CCDC144A: variants seen among roughly 807,000 people sequenced by gnomAD.
CCDC144A encodes coiled-coil domain-containing protein 144A.
In CCDC144A, 41 loss-of-function variants were observed where a neutral mutation model predicts 143.8. The observed-to-expected ratio is 0.29, with a 90% CI of 0.22 to 0.37. The LOEUF is 0.37. Ranked by LOEUF, CCDC144A falls within the 10% of genes least tolerant of loss-of-function variation. The pLI is 1.00. For synonymous variants in CCDC144A, 242 were observed against 517.9 expected (o/e 0.47, Z 7.23); for missense variants, 637 against 1,488.8 (o/e 0.43, Z 9.41).
chr17:16,672,982 G>T, the CCDC144A span, among the ~76,000 whole-genome samples: 1 of 152,092 alleles, frequency 6.6e-6, no homozygotes, highest in Admixed American at 6.6e-5. Flanking sequence ...TTTAGTTCTC[G>T]AAGGGACTTA....
the CCDC144A span, among the ~76,000 whole-genome samples, chr17:16,681,965 T>G: frequency 6.6e-6 from 1 of 152,076 alleles, no homozygotes; most frequent in African/African-American, 2.4e-5. Flanking sequence ...GATAAAAGCT[T>G]AAATTCATAT....
At chr17:16,679,550 T>G in the CCDC144A span, among the ~76,000 whole-genome samples, 2 of 151,916 alleles carry the variant, frequency 1.3e-5, no homozygotes, top group South Asian at 2.1e-4. Flanking sequence ...ACACTGGACT[T>G]GTTCTCGGGC....
chr17:16,736,951 A>G (rs548609782), intron 12 of CCDC144A, among the ~76,000 whole-genome samples: 1 of 152,256 alleles, frequency 6.6e-6, no homozygotes, highest in Non-Finnish European at 1.5e-5. Context: ...AGACTTCAGT[A>G]GGTTGTTAAG....
intron 2 of CCDC144A, among the ~76,000 whole-genome samples, chr17:16,698,215 T>G (rs1350738947): frequency 6.6e-6 from 1 of 152,060 alleles, no homozygotes; most frequent in Admixed American, 6.5e-5. Context: ...CCAGAGGAAT[T>G]AGGAAAGAAG....
At chr17:16,753,430 T>G (rs1286088419) in intron 12 of CCDC144A, among the ~76,000 whole-genome samples, 3 of 66,912 alleles carry the variant, frequency 4.5e-5, no homozygotes, top group African/African-American at 7.8e-5. Flanking sequence ...GTTTTGTAGT[T>G]TTTTTTTTTT....
intron 12 of CCDC144A, among the ~76,000 whole-genome samples, chr17:16,758,880 G>A (rs1368884602): frequency 6.6e-6 from 1 of 152,014 alleles, no homozygotes; most frequent in East Asian, 1.9e-4. Flanking sequence ...CTTGTCATTG[G>A]AAAAACCACT....
rs1915960550 is a variant in CCDC144A, at chr17:16,775,094, T to C, written c.*1461T>C. On this transcript the variant is annotated 3_prime_UTR_variant, in exon 17 of 17. Coordinates refer to ENST00000399273, the MANE Select transcript of CCDC144A (RefSeq NM_001382000.1). ...TCCATGGTGTATATGTACCACATTTTCTTTATCCAGTTTATCATTGATGGG... is the reference window on the plus strand; with the variant it reads ...TCCATGGTGTATATGTACCACATTTCCTTTATCCAGTTTATCATTGATGGG... 1 of 152,146 alleles carries C rather than the reference T, an allele frequency of 6.6e-6. No homozygotes were observed. The highest frequency in any genetic ancestry group is 2.4e-5 in the African/African-American group (1 of 41,406). The allele number at this position is 152,146 out of a possible 1,614,324, so 9.4% of individuals were successfully genotyped here.
the CCDC144A span, chr17:16,684,084 A>G: frequency 1.1e-6 from 1 of 928,454 alleles, no homozygotes; most frequent in Non-Finnish European, 1.8e-6. Context: ...CTGTATACAG[A>G]CAGTATGTTT....
At chr17:16,674,612 G>A in the CCDC144A span, among the ~76,000 whole-genome samples, 1 of 151,810 alleles carries the variant, frequency 6.6e-6, no homozygotes, top group East Asian at 1.9e-4. Flanking sequence ...GGGAGGGAAG[G>A]AGGGAAAGAA....
chr17:16,722,031 A>G (rs1913121080), intron 8 of CCDC144A, among the ~76,000 whole-genome samples: 1 of 152,174 alleles, frequency 6.6e-6, no homozygotes, highest in South Asian at 2.1e-4. Flanking sequence ...CTTACAGGGA[A>G]AGCATTCAGT....
the CCDC144A span, among the ~76,000 whole-genome samples, chr17:16,669,020 C>A: frequency 6.6e-6 from 1 of 152,194 alleles, no homozygotes; most frequent in East Asian, 1.9e-4. Context: ...ACTGCTGACC[C>A]TTTCTTTCCG....
upstream of CCDC144A, among the ~76,000 whole-genome samples, chr17:16,688,053 T>C (rs1361411316): frequency 6.6e-6 from 1 of 151,834 alleles, no homozygotes; most frequent in Non-Finnish European, 1.5e-5. Flanking sequence ...GTATGATAAA[T>C]GACTGTAATA....
chr17:16,726,329 C>T (rs539488867), intron 8 of CCDC144A, among the ~76,000 whole-genome samples: 448 of 145,774 alleles, frequency 3.1e-3, no homozygotes, highest in Non-Finnish European at 4.4e-3. Flanking sequence ...TGCAGTGAGC[C>T]GAGATCAAGC....
chr17:16,737,517 T>C, intron 12 of CCDC144A: 1 of 1,250,356 alleles, frequency 8.0e-7, no homozygotes, highest in Non-Finnish European at 1.0e-6. Flanking sequence ...TATAAATCAG[T>C]AACAAAAAAT....
At chr17:16,754,714 A>G (rs1447731286) in intron 12 of CCDC144A, among the ~76,000 whole-genome samples, 1 of 152,246 alleles carries the variant, frequency 6.6e-6, no homozygotes, top group Non-Finnish European at 1.5e-5. Flanking sequence ...CTTTTAATAC[A>G]GTGTTCTGTA....
intron 12 of CCDC144A, among the ~76,000 whole-genome samples, chr17:16,755,705 A>T (rs924862627): frequency 6.6e-6 from 1 of 152,226 alleles, no homozygotes; most frequent in African/African-American, 2.4e-5. Context: ...GACCACAGGC[A>T]TGAGCCACCA....
intron 12 of CCDC144A, among the ~76,000 whole-genome samples, chr17:16,760,074 T>C (rs973873670): frequency 2.8e-4 from 43 of 152,248 alleles, no homozygotes; most frequent in African/African-American, 1.0e-3. Flanking sequence ...ATGGTATGGT[T>C]TGGGCTTTCT....
At chr17:16,759,435 G>A (rs898189743) in intron 12 of CCDC144A, among the ~76,000 whole-genome samples, 1 of 152,096 alleles carries the variant, frequency 6.6e-6, no homozygotes, top group African/African-American at 2.4e-5. Flanking sequence ...GTCTATATTT[G>A]GGAATCTGAC....
At chr17:16,689,354 C>T (rs1910909571), upstream of CCDC144A, among the ~76,000 whole-genome samples, 1 of 152,168 alleles carries the variant, frequency 6.6e-6, no homozygotes, top group Non-Finnish European at 1.5e-5. Flanking sequence ...CGCCACCACG[C>T]CCAACTAATT....
Sources: gnomAD v4.1 joint callset for allele counts (sites outside exome capture counted in the v4.1 genomes callset) on GRCh38, gnomAD v4.1.1 for gene constraint, MANE v1.5 for transcripts, NCBI Gene and HGNC (gene_info 2026-07-23, HGNC 2026-07-21) for gene names.